Variants in TOP6BL observed in about 807,000 individuals in gnomAD.
TOP6BL encodes type 2 DNA topoisomerase 6 subunit B-like.
At chr11:66,777,815 T>C in the TOP6BL span, among the ~76,000 whole-genome samples, 2 of 152,004 alleles carry the variant, frequency 1.3e-5, no homozygotes, top group African/African-American at 4.8e-5. Flanking sequence ...GAGGTTGCAG[T>C]GAGCCAAGAT....
chr11:66,746,127 CAG>C, the TOP6BL span, among the ~76,000 whole-genome samples: 3 of 152,216 alleles, frequency 2.0e-5, no homozygotes, highest in East Asian at 1.9e-4. Context: ...AATATCGTAA[CAG>C]AGGACGTGTG....
the TOP6BL span, among the ~76,000 whole-genome samples, chr11:66,745,467 T>C: frequency 6.6e-6 from 1 of 152,082 alleles, no homozygotes; most frequent in Non-Finnish European, 1.5e-5. Context: ...ACACCTGTGC[T>C]CGGGGAGCTG....
chr11:66,768,056 T>A, the TOP6BL span, among the ~76,000 whole-genome samples: 1 of 152,198 alleles, frequency 6.6e-6, no homozygotes, highest in Non-Finnish European at 1.5e-5. Context: ...CCTCTCAAAG[T>A]GTAAGGATTA....
the TOP6BL span, among the ~76,000 whole-genome samples, chr11:66,776,664 T>G: frequency 2.6e-5 from 4 of 152,074 alleles, no homozygotes; most frequent in Non-Finnish European, 5.9e-5. Flanking sequence ...TTTGCAATAG[T>G]TTTTATACCT....
At chr11:66,831,202 T>C in the TOP6BL span, among the ~76,000 whole-genome samples, 1 of 152,224 alleles carries the variant, frequency 6.6e-6, no homozygotes, top group Admixed American at 6.5e-5. Context: ...GTTAGCAGTT[T>C]CTTAAAAAGT....
At chr11:66,835,141 C>G in the TOP6BL span, among the ~76,000 whole-genome samples, 1 of 151,954 alleles carries the variant, frequency 6.6e-6, no homozygotes, top group Non-Finnish European at 1.5e-5. Flanking sequence ...GAAGGGTGTG[C>G]AAGGCTACCA....
At chr11:66,839,711 A>G in the TOP6BL span, among the ~76,000 whole-genome samples, 1,482 of 152,342 alleles carry the variant, frequency 9.7e-3, 9 homozygotes, top group Non-Finnish European at 0.017. Flanking sequence ...AGATCTGGAG[A>G]TTTTAAAAAA....
At chr11:66,822,926 C>T in the TOP6BL span, among the ~76,000 whole-genome samples, 1 of 151,614 alleles carries the variant, frequency 6.6e-6, no homozygotes, top group East Asian at 1.9e-4. Context: ...ATCAACTGAG[C>T]CCGGGATGTT....
the TOP6BL span, among the ~76,000 whole-genome samples, chr11:66,841,880 T>C: frequency 1.3e-5 from 2 of 152,218 alleles, no homozygotes; most frequent in African/African-American, 2.4e-5. Context: ...GAAATTCCCT[T>C]TCTCTCCCTT....
At chr11:66,821,252 G>A in the TOP6BL span, among the ~76,000 whole-genome samples, 1 of 151,288 alleles carries the variant, frequency 6.6e-6, no homozygotes, top group East Asian at 1.9e-4. Flanking sequence ...CAGTGTATTA[G>A]TAAACAAGTG....
At chr11:66,789,014 T>C in the TOP6BL span, among the ~76,000 whole-genome samples, 1 of 152,190 alleles carries the variant, frequency 6.6e-6, no homozygotes, top group Non-Finnish European at 1.5e-5. Flanking sequence ...AATAACCTCC[T>C]GAGGGCCCTG....
the TOP6BL span, among the ~76,000 whole-genome samples, chr11:66,777,238 C>T: frequency 4.0e-5 from 6 of 151,778 alleles, no homozygotes; most frequent in African/African-American, 1.4e-4. Context: ...CATAAATTAG[C>T]CATTTTTCTA....
chr11:66,744,915 T>G, the TOP6BL span: 1 of 1,260,378 alleles, frequency 7.9e-7, no homozygotes, highest in Non-Finnish European at 1.0e-6. Flanking sequence ...GTGGCCGTGT[T>G]CGAGGTGATG....
chr11:66,814,122 G>C, the TOP6BL span: 1 of 1,257,814 alleles, frequency 8.0e-7, no homozygotes, highest in Non-Finnish European at 1.1e-6. Context: ...CCAGAGATCT[G>C]ATGGCCCAGG....
chr11:66,815,839 A>T, the TOP6BL span: 1 of 453,848 alleles, frequency 2.2e-6, no homozygotes, highest in Non-Finnish European at 3.9e-6. Flanking sequence ...TGCATTTTAC[A>T]CACATAGTTA....
At chr11:66,783,013 T>C in the TOP6BL span, among the ~76,000 whole-genome samples, 1 of 152,182 alleles carries the variant, frequency 6.6e-6, no homozygotes, top group Non-Finnish European at 1.5e-5. Flanking sequence ...GTAAACATTT[T>C]AAGTCTCTCA....
the TOP6BL span, among the ~76,000 whole-genome samples, chr11:66,820,923 T>TA: frequency 4.6e-5 from 7 of 152,314 alleles, no homozygotes; most frequent in East Asian, 1.2e-3. Flanking sequence ...AGATTTTGTC[T>TA]AAAAAAAGGT....
chr11:66,843,272 G>T, the TOP6BL span: 3,615 of 1,601,636 alleles, frequency 2.3e-3, 92 homozygotes, highest in South Asian at 0.038. Context: ...CGATCCGGAG[G>T]CTGCGGGCAG....
chr11:66,759,832 C>T, the TOP6BL span, among the ~76,000 whole-genome samples: 4 of 152,130 alleles, frequency 2.6e-5, no homozygotes, highest in Admixed American at 6.5e-5. Flanking sequence ...ATCTGCCTGC[C>T]TCGGCCTCCC....
Sources: gnomAD v4.1 joint callset for allele counts (sites outside exome capture counted in the v4.1 genomes callset) on GRCh38, gnomAD v4.1.1 for gene constraint, MANE v1.5 for transcripts, NCBI Gene and HGNC (gene_info 2026-07-23, HGNC 2026-07-21) for gene names.